The following WWTR1 variants were observed in gnomAD, a reference collection of about 807,000 sequenced individuals.
WWTR1 encodes the protein WW domain-containing transcription regulator protein 1.
A neutral mutation model predicts 40.1 loss-of-function variants in WWTR1; 13 were observed. The ratio of observed to expected loss-of-function variants is 0.32; its 90% CI spans 0.21 to 0.52. The LOEUF is 0.52. WWTR1 is among the 20% of genes least tolerant of loss of function. The pLI, the probability that WWTR1 is intolerant of heterozygous loss-of-function variation, is 0.97. For missense variants in WWTR1, 436 were observed against 523.1 expected (o/e 0.83, Z 1.63); for synonymous variants, 230 against 210.1 (o/e 1.09, Z -0.82).
chr3:149,525,998 AG>A lies in WWTR1; in HGVS notation c.1018+14del, dbSNP rs1354519859. On this transcript the variant is annotated intron_variant, in intron 6 of 6. Coordinates refer to ENST00000360632, the MANE Select transcript of WWTR1 (RefSeq NM_015472.6). ...ACACAAACCCATTGTAAGTGCTTGC[AG>A]GCTTTGCTCCTACCTGTATCCATCT... The A allele has an allele frequency of 1.3e-6, 2 of 1,512,984 alleles. No individual in the cohort carries two copies. Among genetic ancestry groups the A allele is most frequent in the Non-Finnish European group, 1.8e-6 (2 of 1,121,372 alleles). 93.7% of individuals were successfully genotyped at this position (1,512,984 alleles called of 1,614,324 possible).
intron 2 of WWTR1, among the ~76,000 whole-genome samples, chr3:149,616,444 C>CTT (rs570202828): frequency 1.4e-5 from 2 of 145,186 alleles, no homozygotes; most frequent in African/African-American, 2.5e-5. Flanking sequence ...CTCTCTCTCT[C>CTT]TTTTTTTTTT....
intron 2 of WWTR1, among the ~76,000 whole-genome samples, chr3:149,591,709 A>T (rs1738731840): frequency 6.6e-6 from 1 of 152,206 alleles, no homozygotes; most frequent in South Asian, 2.1e-4. Flanking sequence ...GTATTCTGAA[A>T]TTAAAAATAG....
chr3:149,522,601 T>G (rs1474010841), intron 6 of WWTR1, among the ~76,000 whole-genome samples: 1 of 152,214 alleles, frequency 6.6e-6, no homozygotes, highest in East Asian at 1.9e-4. Context: ...TTAAAAAGTG[T>G]CTAAAAAACA....
At chr3:149,619,397 G>A (rs1190859090) in intron 2 of WWTR1, among the ~76,000 whole-genome samples, 1 of 152,114 alleles carries the variant, frequency 6.6e-6, no homozygotes, top group Non-Finnish European at 1.5e-5. Context: ...AAGGTGAGAG[G>A]ATTGCTTGAG....
intron 2 of WWTR1, among the ~76,000 whole-genome samples, chr3:149,649,592 A>G (rs1314839687): frequency 1.3e-5 from 2 of 152,194 alleles, no homozygotes; most frequent in Non-Finnish European, 2.9e-5. Context: ...TCCAGGAAAG[A>G]GAGCATGCAA....
upstream of WWTR1, among the ~76,000 whole-genome samples, chr3:149,662,476 C>T (rs72997995): frequency 0.029 from 4,471 of 152,294 alleles, 216 homozygotes; most frequent in African/African-American, 0.1. Flanking sequence ...GAAGCTTCTC[C>T]TGAGTCATCC....
At chr3:149,665,930 TG>T (rs1207439140) in intron 2 of WWTR1, among the ~76,000 whole-genome samples, 1 of 152,094 alleles carries the variant, frequency 6.6e-6, no homozygotes, top group Non-Finnish European at 1.5e-5. Flanking sequence ...GTGTTTGGGG[TG>T]GGGGGAATTT....
Position 149,560,865 on chromosome 3 carries a change from G to A in WWTR1, c.568+11999C>T, listed in dbSNP as rs1737051275. Among the ~76,000 whole-genome samples the A allele has an allele frequency of 2.0e-5, 3 of 152,012 alleles. No individual in the cohort carries two copies. In the East Asian group the frequency reaches 5.8e-4, roughly 29 times the overall value. On this transcript the variant is annotated intron_variant, in intron 3 of 6. Transcript: ENST00000360632. Reference sequence around the variant, plus strand: ...TAGTCAAAAACATATGGATATACAAGCTGAAAAACAGAGTTAGTGGGAAAG... The same window carrying A: ...TAGTCAAAAACATATGGATATACAAACTGAAAAACAGAGTTAGTGGGAAAG...
At chr3:149,641,748 TA>T (rs1482529231) in intron 2 of WWTR1, among the ~76,000 whole-genome samples, 1 of 152,212 alleles carries the variant, frequency 6.6e-6, no homozygotes, top group East Asian at 1.9e-4. Context: ...CTCCTACTGT[TA>T]ATAATCACCA....
chr3:149,550,259 G>C (rs996722460), intron 3 of WWTR1, among the ~76,000 whole-genome samples: 1 of 152,160 alleles, frequency 6.6e-6, no homozygotes, highest in Non-Finnish European at 1.5e-5. Context: ...GGAATAAATA[G>C]ATATTAAGCT....
rs148037426 is a variant in WWTR1 at position 149,594,856 on chromosome 3, G to C, written c.432-21856C>G. On this transcript the variant is annotated intron_variant, in intron 2 of 6. Transcript: ENST00000360632. The stretch of plus-strand genomic sequence containing the variant: ...GTTAATTTTCTTGGGTATAATAATA[G>C]AATTTGTTATGGTATAAAAGAATGT... 4.2e-3 allele frequency among the ~76,000 whole-genome samples: 613 copies of C among 144,696 alleles called. 7 individuals are homozygous for C. The highest frequency in any genetic ancestry group is 0.014 in the African/African-American group (571 of 39,744). 94.9% of individuals were successfully genotyped at this position (144,696 alleles called of 152,430 possible).
At chr3:149,651,375 T>C (rs1390552374) in intron 2 of WWTR1, among the ~76,000 whole-genome samples, 1 of 152,152 alleles carries the variant, frequency 6.6e-6, no homozygotes, top group African/African-American at 2.4e-5. Flanking sequence ...CTTCCAGCCA[T>C]GGAAAGAAGT....
chr3:149,648,048 T>C (rs1323671242), intron 2 of WWTR1, among the ~76,000 whole-genome samples: 2 of 152,220 alleles, frequency 1.3e-5, no homozygotes, highest in Non-Finnish European at 2.9e-5. Flanking sequence ...CTGTTTTTCC[T>C]GGAAGGCTTG....
At chr3:149,667,069 A>C (rs758757254) in intron 2 of WWTR1, among the ~76,000 whole-genome samples, 7 of 152,198 alleles carry the variant, frequency 4.6e-5, no homozygotes, top group Non-Finnish European at 5.9e-5. Flanking sequence ...GAGGTACTGA[A>C]AATTCAATCA....
At chr3:149,699,082 C>T (rs1054501547) in intron 1 of WWTR1, among the ~76,000 whole-genome samples, 12 of 152,346 alleles carry the variant, frequency 7.9e-5, no homozygotes, top group African/African-American at 2.6e-4. Context: ...TTGTGTTTCT[C>T]TCCTGAAAGT....
intron 1 of WWTR1, among the ~76,000 whole-genome samples, chr3:149,676,389 T>A (rs1017542075): frequency 6.6e-6 from 1 of 152,176 alleles, no homozygotes; most frequent in African/African-American, 2.4e-5. Flanking sequence ...TTCAACAATA[T>A]GAAAATCCAG....
chr3:149,538,199 C>T (rs559510102), intron 4 of WWTR1, among the ~76,000 whole-genome samples: 66 of 152,224 alleles, frequency 4.3e-4, no homozygotes, highest in Non-Finnish European at 7.4e-4. Flanking sequence ...GGATTACACG[C>T]GTCAGCCACC....
At chr3:149,689,285 G>A (rs1287328934) in intron 1 of WWTR1, among the ~76,000 whole-genome samples, 1 of 150,926 alleles carries the variant, frequency 6.6e-6, no homozygotes, top group African/African-American at 2.4e-5. Context: ...GGAGGCTGAG[G>A]CAGGAAGATT....
intron 1 of WWTR1, among the ~76,000 whole-genome samples, chr3:149,698,465 T>C (rs934809756): frequency 6.6e-6 from 1 of 152,212 alleles, no homozygotes; most frequent in Non-Finnish European, 1.5e-5. Context: ...CCTTTATAAA[T>C]TACCCATTTT....
Sources: gnomAD v4.1 joint callset for allele counts (sites outside exome capture counted in the v4.1 genomes callset) on GRCh38, gnomAD v4.1.1 for gene constraint, MANE v1.5 for transcripts, NCBI Gene and HGNC (gene_info 2026-07-23, HGNC 2026-07-21) for gene names.